MECR: variants seen among roughly 807,000 people sequenced by gnomAD.
The protein encoded by MECR is enoyl-[acyl-carrier-protein] reductase, mitochondrial.
In MECR, 37 loss-of-function variants were observed where a neutral mutation model predicts 49.1. That is an observed-to-expected ratio of 0.75 (90% CI 0.58 to 0.99). The LOEUF (loss-of-function observed/expected upper bound fraction) is 0.99, where lower values mean the gene tolerates loss of function less well. MECR is among the 50% of genes least tolerant of loss of function. The pLI is 0.00. For synonymous variants in MECR, 198 were observed against 191.1 expected, an observed-to-expected ratio of 1.04 and a Z score of -0.30; for missense variants, 470 against 479.6, an observed-to-expected ratio of 0.98 and a Z score of 0.19.
chr1:29,176,147 G>A, the MECR span, among the ~76,000 whole-genome samples: 1 of 152,144 alleles, frequency 6.6e-6, no homozygotes, highest in African/African-American at 2.4e-5. Flanking sequence ...AGCTACTTGG[G>A]AGGCTGAGGC....
the MECR span, among the ~76,000 whole-genome samples, chr1:29,175,003 A>G: frequency 1.3e-5 from 2 of 149,784 alleles, no homozygotes; most frequent in East Asian, 3.9e-4. Context: ...AAAAAAAAAG[A>G]AAAGAAGAGA....
chr1:29,188,490 C>T (rs2151834188), downstream of MECR, among the ~76,000 whole-genome samples: 1 of 152,244 alleles, frequency 6.6e-6, no homozygotes, highest in South Asian at 2.1e-4. Context: ...AGGCATGAAC[C>T]ACTGCGCCTG....
At chr1:29,229,638 G>A (rs1682966173) in intron 1 of MECR, among the ~76,000 whole-genome samples, 1 of 152,208 alleles carries the variant, frequency 6.6e-6, no homozygotes, top group Non-Finnish European at 1.5e-5. Flanking sequence ...TTGGTGGAGA[G>A]CACTACATAG....
downstream of MECR, among the ~76,000 whole-genome samples, chr1:29,188,910 T>C (rs1364076736): frequency 2.6e-5 from 4 of 151,634 alleles, no homozygotes; most frequent in Non-Finnish European, 5.9e-5. Context: ...AGTGCTGGGA[T>C]TACAGGCGTG....
At chr1:29,200,850 G>A (rs982117725) in intron 6 of MECR, among the ~76,000 whole-genome samples, 3 of 152,014 alleles carry the variant, frequency 2.0e-5, no homozygotes, top group Admixed American at 2.0e-4. Flanking sequence ...GTGCAGTGGT[G>A]CAATCATGGC....
chr1:29,230,600 G>A, intron 1 of MECR, 131 bp downstream of exon 1: 1 of 1,208,726 alleles, frequency 8.3e-7, no homozygotes, highest in Non-Finnish European at 1.1e-6. Context: ...AAAACGCCCT[G>A]GGCTTCGGCT....
In MECR at chr1:29,206,818, C is replaced by T. The variant is rs747966453; in HGVS notation, c.494G>A (p.Gly165Asp). The part of the protein sequence containing the change: ...DIPLQSAATL[G>D]VNPCTAYRML... ...CCTGTAGGCTGTGCAGGGATTGACACCCAGGGTGGCAGCGCTCTGAAGAGG... is the reference window on the plus strand; with the variant it reads ...CCTGTAGGCTGTGCAGGGATTGACATCCAGGGTGGCAGCGCTCTGAAGAGG... The change falls in exon 4 of 10, where the codon GGT (glycine) becomes GAT (aspartate). Residue 165 changes from glycine to aspartate, a missense_variant. By Grantham distance (94) the Gly-to-Asp change is moderately conservative. Coordinates refer to ENST00000263702, the MANE Select transcript of MECR (RefSeq NM_016011.5). 7 of 1,614,052 alleles carry T rather than the reference C, an allele frequency of 4.3e-6. No individual in the cohort carries two copies. Among genetic ancestry groups the T allele is most frequent in the Non-Finnish European group, 2.5e-6 (3 of 1,180,038 alleles).
chr1:29,206,552 CGA>C (rs2151871409), intron 4 of MECR, among the ~76,000 whole-genome samples: 1 of 152,262 alleles, frequency 6.6e-6, no homozygotes, highest in East Asian at 1.9e-4. Context: ...CAGCAGTTTT[CGA>C]GAGTGTACTC....
chr1:29,205,920 T>A (rs1225885037), intron 4 of MECR, among the ~76,000 whole-genome samples: 1 of 152,198 alleles, frequency 6.6e-6, no homozygotes, highest in African/African-American at 2.4e-5. Context: ...CCTTCATTTC[T>A]TCTTCCCAAA....
intron 7 of MECR, 59 bp from the exon 8 acceptor site, chr1:29,196,317 A>G: frequency 6.8e-7 from 1 of 1,469,790 alleles, no homozygotes. Context: ...CCCTTCCTGA[A>G]CCTGCCATGG....
the MECR span, among the ~76,000 whole-genome samples, chr1:29,180,124 T>C: frequency 6.6e-6 from 1 of 152,248 alleles, no homozygotes; most frequent in Admixed American, 6.5e-5. Flanking sequence ...ACAACCAGGT[T>C]CAGAGAAGTA....
Position 29,230,813 on chromosome 1 carries a change from A to G in MECR, c.94T>C (p.Ser32Pro). ...GGCTCGGCGGATGCGGAGTAGGAGGAGGCGGCAGGTCCGTGACAGCCAGAA... is the reference window on the plus strand; with the variant it reads ...GGCTCGGCGGATGCGGAGTAGGAGGGGGCGGCAGGTCCGTGACAGCCAGAA... ...PASGCHGPAA[S>P]SYSASAEPAR... The change falls in exon 1 of 10, where the codon TCC (serine) becomes CCC (proline). Residue 32 changes from serine (S) to proline (P), a missense_variant. Ser to Pro is a moderately conservative substitution (Grantham distance 74). Transcript: ENST00000263702. 1 of 1,607,848 alleles carries G rather than the reference A, an allele frequency of 6.2e-7. No individual in the cohort carries two copies. Among genetic ancestry groups the G allele is most frequent in the East Asian group, 2.2e-5 (1 of 44,634 alleles).
intron 1 of MECR, among the ~76,000 whole-genome samples, chr1:29,220,543 T>G (rs1480601672): frequency 1.3e-5 from 2 of 152,160 alleles, no homozygotes; most frequent in Non-Finnish European, 2.9e-5. Flanking sequence ...AAGATGGAGA[T>G]TATCCTTAAG....
At chr1:29,223,219 G>C (rs776036145) in intron 1 of MECR, 30 of 985,292 alleles carry the variant, frequency 3.0e-5, no homozygotes, top group Admixed American at 6.1e-5. Context: ...ATCCCAGCCT[G>C]GATAAGGTCA....
At chr1:29,189,430 C>T (rs944684388), downstream of MECR, among the ~76,000 whole-genome samples, 1 of 151,290 alleles carries the variant, frequency 6.6e-6, no homozygotes, top group Non-Finnish European at 1.5e-5. Flanking sequence ...CCAGGCTGGT[C>T]TCGAACTCCT....
intron 7 of MECR, among the ~76,000 whole-genome samples, chr1:29,197,054 T>C (rs1674180778): frequency 2.0e-5 from 3 of 152,078 alleles, no homozygotes; most frequent in African/African-American, 7.2e-5. Flanking sequence ...AATCCCAGAC[T>C]CAATGAATCA....
the MECR span, among the ~76,000 whole-genome samples, chr1:29,173,912 G>C: frequency 6.6e-6 from 1 of 151,650 alleles, no homozygotes; most frequent in Non-Finnish European, 1.5e-5. Flanking sequence ...ACTCTTGGTG[G>C]GTGCGGTGGC....
intron 3 of MECR, among the ~76,000 whole-genome samples, chr1:29,207,374 C>G (rs536177881): frequency 6.6e-6 from 1 of 152,178 alleles, no homozygotes; most frequent in African/African-American, 2.4e-5. Flanking sequence ...CCTGCATCGG[C>G]TTCCCAAAGT....
downstream of MECR, among the ~76,000 whole-genome samples, chr1:29,190,280 C>T (rs1340255606): frequency 6.6e-6 from 1 of 152,032 alleles, no homozygotes; most frequent in Non-Finnish European, 1.5e-5. Context: ...GAGGCTGAGG[C>T]GGGAAAATGG....
Sources: gnomAD v4.1 joint callset for allele counts (sites outside exome capture counted in the v4.1 genomes callset) on GRCh38, gnomAD v4.1.1 for gene constraint, MANE v1.5 for transcripts, NCBI Gene and HGNC (gene_info 2026-07-23, HGNC 2026-07-21) for gene names.